DGKK: variants seen among roughly 807,000 people sequenced by gnomAD.
DGKK encodes diacylglycerol kinase kappa.
Under a neutral mutation model 92.2 loss-of-function variants are expected in DGKK, and 35 were observed. The ratio of observed to expected loss-of-function variants is 0.38; its 90% CI spans 0.29 to 0.50. The LOEUF (loss-of-function observed/expected upper bound fraction) is 0.50. DGKK is among the 20% of genes least tolerant of loss of function. The probability of loss-of-function intolerance (pLI) is 0.92; values close to 1 mark genes in which losing one functional copy is unlikely to be tolerated. For synonymous variants in DGKK, 368 were observed against 360.6 expected (o/e 1.02, Z -0.23); for missense variants, 910 against 992.2 (o/e 0.92, Z 1.11).
chrX:50,395,312 C>T (rs1924817962), intron 8 of DGKK, among the ~76,000 whole-genome samples: 1 of 111,446 alleles, frequency 9.0e-6, no homozygotes, highest in Admixed American at 9.6e-5. Flanking sequence ...TTCCCTTTCT[C>T]ACTCTGCAAC....
In DGKK at chrX:50,433,433, T is replaced by C. The variant is rs143611557; in HGVS notation, c.646-9075A>G. Reference sequence around the variant, plus strand: ...CTCCGTAAGGTGAGTGAAGGTGCCCTATAACTGCAGCCATTGAGATTTCAC... The same window carrying C: ...CTCCGTAAGGTGAGTGAAGGTGCCCCATAACTGCAGCCATTGAGATTTCAC... On this transcript the variant is annotated intron_variant, in intron 1 of 27. Transcript: ENST00000611977. 8.6e-3 allele frequency among the ~76,000 whole-genome samples: 960 copies of C among 111,799 alleles called. 5 individuals carry two copies. The highest frequency in any genetic ancestry group is 0.037 in the Middle Eastern group (8 of 217).
chrX:50,445,795 T>C (rs1318370843), intron 1 of DGKK, among the ~76,000 whole-genome samples: 3 of 111,425 alleles, frequency 2.7e-5, no homozygotes, highest in Non-Finnish European at 3.8e-5. Context: ...GATTTTTACA[T>C]AGTTTTTTCT....
intron 1 of DGKK, among the ~76,000 whole-genome samples, chrX:50,466,097 G>A (rs1203827147): frequency 5.2e-5 from 5 of 96,172 alleles, no homozygotes; most frequent in East Asian, 3.2e-4. Context: ...AGCCCTAGTC[G>A]GAGATTTTAA....
chrX:50,370,875 T>A (rs782411186), intron 26 of DGKK, among the ~76,000 whole-genome samples: 2 of 112,567 alleles, frequency 1.8e-5, no homozygotes, highest in Non-Finnish European at 3.8e-5. Flanking sequence ...ATATTTCACC[T>A]GAGCTCATGT....
At chrX:50,441,679 A>C (rs558971768) in intron 1 of DGKK, among the ~76,000 whole-genome samples, 1 of 111,788 alleles carries the variant, frequency 8.9e-6, no homozygotes, top group Middle Eastern at 4.6e-3. Context: ...CAGTAGATAC[A>C]CTTAGAGAGT....
At chrX:50,412,896 C>T (rs868987848) in intron 4 of DGKK, among the ~76,000 whole-genome samples, 35 of 111,337 alleles carry the variant, frequency 3.1e-4, no homozygotes, top group African/African-American at 9.8e-4. Flanking sequence ...GGAACCAGGC[C>T]GCACAATAGG....
At chrX:50,408,492 C>CGT (rs1925220267) in intron 4 of DGKK, among the ~76,000 whole-genome samples, 1 of 110,871 alleles carries the variant, frequency 9.0e-6, no homozygotes. Context: ...CATTCTCCTG[C>CGT]CTCAGCCTCC....
At chrX:50,384,948 T>C (rs1924510097) in intron 15 of DGKK, 124 bp from the exon 16 acceptor site, 1 of 521,570 alleles carries the variant, frequency 1.9e-6, no homozygotes, top group African/African-American at 2.3e-5. Flanking sequence ...TTATCGAGCA[T>C]CTATTTTGTT....
At chrX:50,417,177 T>C (rs1254881145) in intron 4 of DGKK, among the ~76,000 whole-genome samples, 2 of 108,159 alleles carry the variant, frequency 1.8e-5, no homozygotes, top group Admixed American at 1.0e-4. Context: ...ATTTGTTTGT[T>C]TGTATTACTT....
intron 1 of DGKK, among the ~76,000 whole-genome samples, chrX:50,437,721 GAAAT>G (rs1926066699): frequency 9.0e-6 from 1 of 111,695 alleles, no homozygotes; most frequent in African/African-American, 3.3e-5. Flanking sequence ...AGAGGAGTAG[GAAAT>G]AAATAAGAAT....
chrX:50,374,320 A>G (rs1381231178), intron 25 of DGKK, among the ~76,000 whole-genome samples: 1 of 111,642 alleles, frequency 9.0e-6, no homozygotes, highest in African/African-American at 3.3e-5. Flanking sequence ...TCTACAATCC[A>G]AAGAACACCA....
intron 1 of DGKK, among the ~76,000 whole-genome samples, chrX:50,463,999 A>G (rs1412747740): frequency 9.1e-6 from 1 of 110,380 alleles, no homozygotes; most frequent in Non-Finnish European, 1.9e-5. Flanking sequence ...TGTTCCCTGA[A>G]AATATGTACA....
Position 50,403,485 on chromosome X carries a change from A to C in DGKK, c.1185+6T>G. 1.7e-6 allele frequency: 2 copies of C among 1,200,309 alleles called. No homozygotes were observed. Among genetic ancestry groups the C allele is most frequent in the South Asian group, 3.5e-5 (2 of 56,692 alleles). On this transcript the variant is annotated splice_donor_region_variant and intron_variant, in intron 6 of 27. Transcript: ENST00000611977. Reference sequence around the variant, plus strand: ...CCGACTGTGGGAAGACATGGCTAGTACTTACTACTTCATCTGCAGGCAGAA... The same window carrying C: ...CCGACTGTGGGAAGACATGGCTAGTCCTTACTACTTCATCTGCAGGCAGAA...
chrX:50,371,858 A>C (rs1253730910), intron 25 of DGKK, 24 bp from the exon 26 acceptor site: 3 of 1,042,335 alleles, frequency 2.9e-6, no homozygotes, highest in Non-Finnish European at 4.0e-6. Context: ...GAAAAAGAGT[A>C]AGTGTCCAAT....
chrX:50,455,409 A>G (rs1926586393), intron 1 of DGKK, among the ~76,000 whole-genome samples: 1 of 112,375 alleles, frequency 8.9e-6, no homozygotes. Context: ...GGTACTTAAT[A>G]CTTCACACTA....
Position 50,404,093 on chromosome X carries a change from C to T in DGKK, c.1034G>A (p.Arg345Gln), listed in dbSNP as rs369981077. 13 of 1,209,069 alleles carry T rather than the reference C, an allele frequency of 1.1e-5. No individual in the cohort carries two copies. In the African/African-American group the frequency reaches 1.2e-4, roughly 11 times the overall value. ...TCTAGATAAGGCAGGAATGCTCTCT[C>T]GACAAACATTGCAGTGCTGGGTCCG... ...SHRTQHCNVC[R>Q]ESIPALSRDA... Residue 345 changes from arginine to glutamine, a missense_variant, in exon 5 of 28, where the codon CGA becomes CAA. By Grantham distance (43) the Arg-to-Gln change is conservative (BLOSUM62 1). Transcript: ENST00000611977.
At chrX:50,468,077 C>T (rs782286026) in intron 1 of DGKK, among the ~76,000 whole-genome samples, 5 of 112,220 alleles carry the variant, frequency 4.5e-5, no homozygotes, top group African/African-American at 9.7e-5. Context: ...CTAGCCAGCA[C>T]GTCTGAGTGG....
chrX:50,414,315 G>A (rs782266995), intron 4 of DGKK, among the ~76,000 whole-genome samples: 1 of 111,066 alleles, frequency 9.0e-6, no homozygotes. Flanking sequence ...ATTATATAGA[G>A]TATTTTTAAA....
rs1557234356 is a variant in DGKK, at chrX:50,470,124, C to T, written c.555G>A (p.Pro185=). ...PSPAPCLLQC[P]VDTRERGLKT... ...TTAGACCTCTCTCTCGAGTGTCCAC[C>T]GGACATTGCAATAGACATGGTGCTG... The change falls in exon 1 of 28, where the codon CCG becomes CCA. Residue 185 remains proline, a synonymous_variant. Coordinates refer to ENST00000611977, the MANE Select transcript of DGKK (RefSeq NM_001013742.4). 4.5e-5 allele frequency: 55 copies of T among 1,212,111 alleles called. No homozygotes were observed. Among genetic ancestry groups the T allele is most frequent in the Non-Finnish European group, 6.0e-5 (54 of 895,464 alleles).
Sources: gnomAD v4.1 joint callset for allele counts (sites outside exome capture counted in the v4.1 genomes callset) on GRCh38, gnomAD v4.1.1 for gene constraint, MANE v1.5 for transcripts, NCBI Gene and HGNC (gene_info 2026-07-23, HGNC 2026-07-21) for gene names.